USP7: variants seen among roughly 807,000 people sequenced by gnomAD.
USP7 encodes ubiquitin C-terminal hydrolase 7.
Under a neutral mutation model 162.9 loss-of-function variants are expected in USP7, and 9 were observed. The ratio of observed to expected loss-of-function variants is 0.06; its 90% confidence interval spans 0.03 to 0.10. USP7 has a LOEUF of 0.10. USP7 is among the 10% of genes least tolerant of loss of function. USP7 has a pLI of 1.00. For synonymous variants in USP7, 562 were observed against 475.9 expected, an observed-to-expected ratio of 1.18 and a Z score of -2.35; for missense variants, 715 against 1,373.7, an observed-to-expected ratio of 0.52 and a Z score of 7.58.
chr16:8,900,423 A>C (rs1397288166), intron 21 of USP7, 107 bp downstream of exon 21: 1 of 789,020 alleles, frequency 1.3e-6, no homozygotes, highest in African/African-American at 1.8e-5. Context: ...AAAAAAACAA[A>C]AACAAAAACG....
At chr16:8,930,124 A>AAT (rs1243684969) in intron 2 of USP7, among the ~76,000 whole-genome samples, 169 bp downstream of exon 2, 1 of 152,198 alleles carries the variant, frequency 6.6e-6, no homozygotes, top group African/African-American at 2.4e-5. Flanking sequence ...TGGTGTAGGC[A>AAT]ATCTTGAAAC....
At chr16:8,916,874 G>T in intron 7 of USP7, 152 bp downstream of exon 7, 1 of 950,450 alleles carries the variant, frequency 1.1e-6, no homozygotes, top group Non-Finnish European at 1.5e-6. Context: ...AAAATACAAT[G>T]ATAAAAGCAC....
At chr16:8,934,442 G>C (rs371660088) in intron 1 of USP7, among the ~76,000 whole-genome samples, 1 of 152,204 alleles carries the variant, frequency 6.6e-6, no homozygotes, top group African/African-American at 2.4e-5. Flanking sequence ...ATCAATTCAA[G>C]AGCGCATAAC....
In USP7 at chr16:8,960,976, A is replaced by C. The variant is rs188413106; in HGVS notation, c.79+2231T>G. On this transcript the variant is annotated intron_variant, in intron 1 of 30. Coordinates refer to ENST00000344836, the MANE Select transcript of USP7 (RefSeq NM_003470.3). Reference sequence around the variant, plus strand: ...ATTGAAACAGAGGCCCAGTCAGAAGAAATGAGTTTCTTAAGTTTAAGGAAT... The same window carrying C: ...ATTGAAACAGAGGCCCAGTCAGAAGCAATGAGTTTCTTAAGTTTAAGGAAT... Among the ~76,000 whole-genome samples, 92 of 152,332 alleles carry C rather than the reference A, an allele frequency of 6.0e-4. 2 individuals carry two copies. Among genetic ancestry groups the C allele is most frequent in the South Asian group, 5.8e-3 (28 of 4,826 alleles).
At chr16:8,941,218 T>G (rs1447179929) in intron 1 of USP7, among the ~76,000 whole-genome samples, 1 of 152,100 alleles carries the variant, frequency 6.6e-6, no homozygotes, top group East Asian at 1.9e-4. Flanking sequence ...CTGAAACCTC[T>G]TGGAAGGAGC....
chr16:8,923,325 A>G lies in USP7; in HGVS notation c.273T>C (p.Phe91=). The change falls in exon 3 of 31, where the codon TTT becomes TTC. Residue 91 remains phenylalanine (F), a synonymous_variant. Transcript: ENST00000344836. Reference sequence around the variant, plus strand: ...TAATCTTCCATGGCAGATTTCGCACAAAACACGGAGGGCTAAGGACCGACT... The same window carrying G: ...TAATCTTCCATGGCAGATTTCGCACGAAACACGGAGGGCTAAGGACCGACT... ...LSESVLSPPC[F]VRNLPWKIMV... The G allele has an allele frequency of 6.2e-7, 1 of 1,609,100 alleles. No individual in the cohort carries two copies. The highest frequency in any genetic ancestry group is 8.5e-7 in the Non-Finnish European group (1 of 1,178,292).
intron 6 of USP7, 36 bp from the exon 7 acceptor site, chr16:8,917,192 G>C: frequency 6.4e-7 from 1 of 1,567,842 alleles, no homozygotes; most frequent in South Asian, 1.2e-5. Flanking sequence ...TTTACTCTGA[G>C]AAGATGCAGG....
At chr16:8,930,973 T>A (rs200639055) in intron 1 of USP7, among the ~76,000 whole-genome samples, 15 of 143,610 alleles carry the variant, frequency 1.0e-4, no homozygotes, top group Non-Finnish European at 1.1e-4. Context: ...AGTCTCAAAT[T>A]AAAAAAAAAA....
intron 21 of USP7, chr16:8,900,078 C>CAG: frequency 2.3e-6 from 1 of 425,924 alleles, no homozygotes; most frequent in African/African-American, 2.0e-5. Flanking sequence ...ACAGACCTGA[C>CAG]AGGTGGTGGA....
At chr16:8,915,142 A>C in intron 10 of USP7, 112 bp downstream of exon 10, 1 of 1,020,490 alleles carries the variant, frequency 9.8e-7, no homozygotes, top group Non-Finnish European at 1.4e-6. Flanking sequence ...TTAAGATCTG[A>C]GCCATTCTCT....
rs113646803 is a variant in USP7, at chr16:8,919,239, G to A, written c.612-100C>T. On this transcript the variant is annotated intron_variant, in intron 5 of 30. Coordinates refer to ENST00000344836, the MANE Select transcript of USP7 (RefSeq NM_003470.3). ...ACTCAAGGTCAGCCTTAAGGAAACC[G>A]AGGCCAGGAACACTTATCACACAGC... is the stretch of plus-strand genomic sequence containing the variant. The A allele has an allele frequency of 7.0e-4, 813 of 1,159,622 alleles. 7 individuals carry two copies. In the African/African-American group the frequency reaches 0.01, roughly 15 times the overall value. 71.8% of individuals were successfully genotyped at this position (1,159,622 alleles called of 1,614,324 possible). A position where few individuals can be genotyped will look rare whatever the true frequency, so the allele number is the denominator to read the frequency against.
intron 1 of USP7, chr16:8,962,741 C>T: frequency 6.1e-6 from 1 of 163,446 alleles, no homozygotes; most frequent in Non-Finnish European, 1.4e-5. Flanking sequence ...TTTGGAAGAG[C>T]GCTTCCGAGC....
Position 8,915,245 on chromosome 16 carries a change from A to T in USP7, c.1078+9T>A. The T allele has an allele frequency of 1.3e-6, 2 of 1,593,150 alleles. No homozygotes were observed. Among genetic ancestry groups the T allele is most frequent in the Non-Finnish European group, 1.7e-6 (2 of 1,169,928 alleles). On this transcript the variant is annotated intron_variant, in intron 10 of 30. Coordinates refer to ENST00000344836, the MANE Select transcript of USP7 (RefSeq NM_003470.3). ...AAAGATCATGCCATTAGATACACAC[A>T]ACACTTACTATTTTTCTTTCCTTTG...
chr16:8,941,692 G>C (rs1210370424), intron 1 of USP7, among the ~76,000 whole-genome samples: 1 of 152,208 alleles, frequency 6.6e-6, no homozygotes, highest in Non-Finnish European at 1.5e-5. Flanking sequence ...GTGTGGTGAG[G>C]AGTGAGGGGA....
chr16:8,917,460 C>G (rs1897433890), intron 6 of USP7, among the ~76,000 whole-genome samples: 1 of 152,158 alleles, frequency 6.6e-6, no homozygotes, highest in Non-Finnish European at 1.5e-5. Flanking sequence ...CTCACTACAA[C>G]CTCCGCCTCC....
intron 1 of USP7, among the ~76,000 whole-genome samples, chr16:8,932,784 G>A (rs1452712329): frequency 1.3e-5 from 2 of 152,134 alleles, no homozygotes; most frequent in African/African-American, 4.8e-5. Flanking sequence ...GAATGGGGCT[G>A]GGGATGGACA....
intron 1 of USP7, among the ~76,000 whole-genome samples, chr16:8,934,864 A>G (rs1048743756): frequency 6.6e-6 from 1 of 152,210 alleles, no homozygotes; most frequent in Non-Finnish European, 1.5e-5. Context: ...CCCAGCTCCC[A>G]GGGGCAGGAG....
At chr16:8,955,997 G>C (rs573091771) in intron 1 of USP7, among the ~76,000 whole-genome samples, 43 of 152,144 alleles carry the variant, frequency 2.8e-4, no homozygotes, top group Non-Finnish European at 5.0e-4. Context: ...GCCCCACCCT[G>C]GGATGGGACC....
chr16:8,958,179 C>A (rs1185894342), intron 1 of USP7, among the ~76,000 whole-genome samples: 1 of 152,184 alleles, frequency 6.6e-6, no homozygotes, highest in Non-Finnish European at 1.5e-5. Context: ...GCCCATCCCA[C>A]CGGCACAGTA....
Sources: gnomAD v4.1 joint callset for allele counts (sites outside exome capture counted in the v4.1 genomes callset) on GRCh38, gnomAD v4.1.1 for gene constraint, MANE v1.5 for transcripts, NCBI Gene and HGNC (gene_info 2026-07-23, HGNC 2026-07-21) for gene names.